CCDC50: variants seen among roughly 807,000 people sequenced by gnomAD.
The protein encoded by CCDC50 is coiled-coil domain-containing protein 50.
Under a neutral mutation model 70.2 loss-of-function variants are expected in CCDC50, and 54 were observed. That is an observed-to-expected ratio of 0.77 (90% CI 0.62 to 0.96). CCDC50 has a LOEUF of 0.96. Ranked by LOEUF, CCDC50 falls within the 50% of genes least tolerant of loss-of-function variation. The pLI is 0.00. For missense variants in CCDC50, 558 were observed against 578.7 expected (o/e 0.96, Z 0.37); for synonymous variants, 216 against 198.8 (o/e 1.09, Z -0.73).
intron 2 of CCDC50, 141 bp from the exon 3 acceptor site, chr3:191,357,857 A>G (rs1712343489): frequency 9.7e-7 from 1 of 1,032,582 alleles, no homozygotes; most frequent in Non-Finnish European, 1.5e-6. Flanking sequence ...CTTGCTCTTT[A>G]TTATATATTG....
At chr3:191,388,502 C>T (rs182617314) in intron 10 of CCDC50, among the ~76,000 whole-genome samples, 9 of 152,254 alleles carry the variant, frequency 5.9e-5, no homozygotes, top group African/African-American at 2.2e-4. Context: ...CTGTGTAGAA[C>T]CTGTAGCATG....
chr3:191,375,724 A>G lies in CCDC50; in HGVS notation c.976+135A>G, dbSNP rs948979967. ...TGACTTTGAAATAAATCCTAGAGCA[A>G]CATATTATAAAAGGTATACACTTAA... On this transcript the variant is annotated intron_variant, in intron 6 of 11. Transcript: ENST00000392455. 14 of 934,504 alleles carry G rather than the reference A, an allele frequency of 1.5e-5. No homozygotes were observed. The African/African-American group carries it at 2.0e-4, about 13-fold the overall frequency. 57.9% of individuals were successfully genotyped at this position (934,504 alleles called of 1,614,324 possible).
Position 191,330,056 on chromosome 3 carries a change from T to G in CCDC50, c.49+333T>G, listed in dbSNP as rs551880548. ...GCCGGGTGAATCTGACTTACTCCGC[T>G]TCTAAAAAATCGAGGCCCAGCCTGG... On this transcript the variant is annotated intron_variant, in intron 1 of 11. Transcript: ENST00000392455. 3.6e-3 allele frequency among the ~76,000 whole-genome samples: 550 copies of G among 152,080 alleles called. 3 individuals are homozygous for G. The highest frequency in any genetic ancestry group is 5.7e-3 in the Non-Finnish European group (386 of 67,962).
chr3:191,355,563 CTG>C (rs1335270372), intron 1 of CCDC50, among the ~76,000 whole-genome samples: 6 of 152,198 alleles, frequency 3.9e-5, no homozygotes, highest in African/African-American at 1.4e-4. Flanking sequence ...CCAGTGAACT[CTG>C]TACAGCCTTA....
intron 10 of CCDC50, 62 bp from the exon 11 acceptor site, chr3:191,389,432 AAG>A: frequency 1.5e-6 from 2 of 1,333,760 alleles, no homozygotes; most frequent in Non-Finnish European, 2.2e-6. Flanking sequence ...GCAATCCAGT[AAG>A]AGGGGTGGAG....
intron 1 of CCDC50, among the ~76,000 whole-genome samples, chr3:191,350,244 C>G (rs1171236715): frequency 1.4e-5 from 2 of 141,650 alleles, no homozygotes; most frequent in Admixed American, 1.5e-4. Flanking sequence ...CAAACTTTCA[C>G]AAGACAAAAT....
intron 1 of CCDC50, among the ~76,000 whole-genome samples, chr3:191,340,541 C>A (rs1199954299): frequency 6.6e-6 from 1 of 152,140 alleles, no homozygotes; most frequent in East Asian, 1.9e-4. Context: ...TTCCTTCATA[C>A]CCTTCTTGAT....
At chr3:191,354,703 C>T (rs774622837) in intron 1 of CCDC50, among the ~76,000 whole-genome samples, 18 of 151,940 alleles carry the variant, frequency 1.2e-4, no homozygotes, top group Non-Finnish European at 5.9e-5. Flanking sequence ...AAAAGTTTCC[C>T]CAAACTAGTT....
intron 5 of CCDC50, among the ~76,000 whole-genome samples, chr3:191,374,850 C>A (rs538681214): frequency 1.3e-5 from 2 of 152,240 alleles, no homozygotes; most frequent in East Asian, 3.9e-4. Flanking sequence ...TAGTTTCTTA[C>A]CATTTTGGCT....
intron 11 of CCDC50, 51 bp downstream of exon 11, chr3:191,389,653 C>A: frequency 7.3e-7 from 1 of 1,367,586 alleles, no homozygotes; most frequent in Non-Finnish European, 1.0e-6. Context: ...TTTATATAAG[C>A]CTCGTGTTGT....
chr3:191,375,258 T>A lies in CCDC50; in HGVS notation c.645T>A (p.Asn215Lys), dbSNP rs1713057254. Residue 215 changes from asparagine to lysine, a missense_variant, in exon 6 of 12, where the codon AAT becomes AAA. Coordinates refer to ENST00000392455, the MANE Select transcript of CCDC50 (RefSeq NM_178335.3). The part of the protein sequence containing the change: ...SSSSSGKGRD[N>K]PHINNEQHER... ...CTAGCTCGGGCAAAGGGAGGGACAATCCCCATATTAACAATGAGCAGCATG... is the reference window on the plus strand; with the variant it reads ...CTAGCTCGGGCAAAGGGAGGGACAAACCCCATATTAACAATGAGCAGCATG... 2 of 1,613,660 alleles carry A rather than the reference T, an allele frequency of 1.2e-6. No individual in the cohort carries two copies. The highest frequency in any genetic ancestry group is 1.3e-5 in the African/African-American group (1 of 74,952).
intron 6 of CCDC50, 151 bp from the exon 7 acceptor site, chr3:191,380,008 T>C (rs1328433211): frequency 1.6e-6 from 1 of 616,024 alleles, no homozygotes; most frequent in Non-Finnish European, 2.9e-6. Flanking sequence ...GGCAAAAATA[T>C]TTTTAATGCA....
At chr3:191,388,253 A>G (rs1236314519) in intron 10 of CCDC50, among the ~76,000 whole-genome samples, 2 of 152,134 alleles carry the variant, frequency 1.3e-5, no homozygotes, top group African/African-American at 2.4e-5. Context: ...AAACACACAT[A>G]TATACATATA....
chr3:191,389,434 GA>G, intron 10 of CCDC50, 61 bp from the exon 11 acceptor site: 2 of 1,340,250 alleles, frequency 1.5e-6, no homozygotes, highest in South Asian at 1.2e-5. Context: ...AATCCAGTAA[GA>G]GGGGTGGAGT....
chr3:191,388,247 A>T (rs1713563663), intron 10 of CCDC50, among the ~76,000 whole-genome samples: 1 of 152,130 alleles, frequency 6.6e-6, no homozygotes, highest in Non-Finnish European at 1.5e-5. Flanking sequence ...ATATATAAAC[A>T]CACATATATA....
intron 1 of CCDC50, among the ~76,000 whole-genome samples, chr3:191,355,430 TTTTC>T (rs201456909): frequency 0.014 from 2,157 of 152,274 alleles, 27 homozygotes; most frequent in Non-Finnish European, 0.022. Flanking sequence ...ATGTAGAATA[TTTTC>T]TTTCTGTCTA....
intron 1 of CCDC50, among the ~76,000 whole-genome samples, chr3:191,346,516 C>T (rs564237632): frequency 5.1e-4 from 77 of 152,074 alleles, no homozygotes; most frequent in Non-Finnish European, 9.0e-4. Flanking sequence ...ATGGAGAGTA[C>T]GTTTGGGACT....
chr3:191,341,882 C>A (rs1576949855), intron 1 of CCDC50, among the ~76,000 whole-genome samples: 1 of 152,118 alleles, frequency 6.6e-6, no homozygotes, highest in African/African-American at 2.4e-5. Flanking sequence ...TGTGCGGTCA[C>A]CTTATTCTGT....
At position 191,349,451 on chromosome 3, in the gene CCDC50, G is replaced by A. The variant is rs1466384788; in HGVS notation, c.50-7637G>A. ...GGAAACTTGTGGATGTTGAAAAGAG[G>A]GTTAGAGAGATGAGGGCAAGTGGTA... is the stretch of plus-strand genomic sequence containing the variant. On this transcript the variant is annotated intron_variant, in intron 1 of 11. Coordinates refer to ENST00000392455, the MANE Select transcript of CCDC50 (RefSeq NM_178335.3). 2.1e-5 allele frequency among the ~76,000 whole-genome samples: 3 copies of A among 141,622 alleles called. 1 individual carries two copies. Among genetic ancestry groups the A allele is most frequent in the Non-Finnish European group, 4.8e-5 (3 of 62,848 alleles). 92.9% of individuals were successfully genotyped at this position (141,622 alleles called of 152,430 possible).
Sources: allele counts gnomAD v4.1 joint callset (sites outside exome capture counted in the v4.1 genomes callset), GRCh38; gene constraint gnomAD v4.1.1; transcripts MANE v1.5; gene names NCBI Gene and HGNC (gene_info 2026-07-23, HGNC 2026-07-21).